CMC2: variants seen among roughly 807,000 people sequenced by gnomAD.
CMC2 encodes C-X9-C motif containing 2.
CMC2 carries 5 observed loss-of-function variants against 7.5 expected under a neutral mutation model. The ratio of observed to expected loss-of-function variants is 0.66; its 90% CI spans 0.35 to 1.40. CMC2 has a LOEUF of 1.40. Among genes scored for constraint, CMC2 ranks in the 40% most tolerant of loss-of-function variants. The pLI, the probability that CMC2 is intolerant of heterozygous loss-of-function variation, is 0.04. For missense variants in CMC2, 115 were observed against 92.3 expected, an observed-to-expected ratio of 1.25 and a Z score of -1.01; for synonymous variants, 37 against 31.4, an observed-to-expected ratio of 1.18 and a Z score of -0.60.
At chr16:81,003,470 T>C (rs1485278321) in intron 1 of CMC2, among the ~76,000 whole-genome samples, 1 of 152,192 alleles carries the variant, frequency 6.6e-6, no homozygotes, top group African/African-American at 2.4e-5. Flanking sequence ...AGAAACTGTC[T>C]TTTTATAGGT....
rs140972336 is a variant in CMC2, at chr16:80,976,168, G to T, written c.165C>A (p.Asn55Lys). 2.5e-6 allele frequency: 4 copies of T among 1,591,240 alleles called. No individual in the cohort carries two copies. The highest frequency in any genetic ancestry group is 1.7e-6 in the Non-Finnish European group (2 of 1,163,080). Reference protein sequence around the residue: ...RKCLKNEYVENRTKSREHGIA... With the variant: ...RKCLKNEYVEKRTKSREHGIA... ...TGCCATGCTCCCTGCTCTTGGTCCT[G>T]TTTTCTACGTACTGAAAAATAAAAG... The change falls in exon 4 of 4, where the codon AAC (asparagine) becomes AAA (lysine). Residue 55 changes from asparagine (N) to lysine (K), a missense_variant. Coordinates refer to ENST00000219400, the MANE Select transcript of CMC2 (RefSeq NM_020188.5).
At chr16:80,981,766 C>G in intron 3 of CMC2, 40 bp downstream of exon 3, 1 of 1,307,724 alleles carries the variant, frequency 7.6e-7, no homozygotes, top group East Asian at 2.3e-5. Flanking sequence ...ATGTTCTGTT[C>G]TATTGTTCAA....
chr16:80,996,814 T>C (rs570048802), intron 2 of CMC2: 6 of 175,862 alleles, frequency 3.4e-5, no homozygotes, highest in Admixed American at 1.2e-4. Context: ...CTTTTCTATT[T>C]TGGTTTTAAC....
At chr16:80,987,986 G>T (rs576142507) in intron 2 of CMC2, among the ~76,000 whole-genome samples, 4 of 151,782 alleles carry the variant, frequency 2.6e-5, no homozygotes, top group Admixed American at 2.0e-4. Context: ...GATGAGCCTG[G>T]GCAACACAGG....
intron 3 of CMC2, 46 bp from the exon 4 acceptor site, chr16:80,976,225 T>A (rs780422536): frequency 1.1e-5 from 11 of 997,934 alleles, no homozygotes; most frequent in Non-Finnish European, 1.5e-5. Flanking sequence ...GCAGATTATG[T>A]CACTATTTAT....
chr16:80,981,983 G>T, intron 2 of CMC2, 106 bp from the exon 3 acceptor site: 1 of 627,872 alleles, frequency 1.6e-6, no homozygotes, highest in Non-Finnish European at 2.8e-6. Flanking sequence ...GTGTCACTTT[G>T]TTAATAAACA....
rs1380651476 is a variant in CMC2 at position 80,971,244 on chromosome 16, A to C, written c.*4849T>G. On this transcript the variant is annotated 3_prime_UTR_variant, in exon 4 of 4. Transcript: ENST00000219400. ...CATACCTTACAGCCCAATAATTAAA[A>C]TCCTAGGTTTATACCTAAAAACACT... is the stretch of plus-strand genomic sequence containing the variant. 1 of 152,158 alleles carries C rather than the reference A, an allele frequency of 6.6e-6. No individual in the cohort carries two copies. The highest frequency in any genetic ancestry group is 1.5e-5 in the Non-Finnish European group (1 of 68,030). 9.4% of individuals were successfully genotyped at this position (152,158 alleles called of 1,614,324 possible). A position where few individuals can be genotyped will look rare whatever the true frequency, so the allele number is the denominator to read the frequency against.
rs1038766369 is a variant in CMC2, at chr16:80,972,649, A to G, written c.*3444T>C. On this transcript the variant is annotated 3_prime_UTR_variant, in exon 4 of 4. Transcript: ENST00000219400. ...AAGGTTCACAACATTCTGCAAAACT[A>G]GATTTCTCAGGAAAACCTTGGCCTA... The G allele has an allele frequency of 6.6e-6, 1 of 152,224 alleles. No homozygotes were observed. The highest frequency in any genetic ancestry group is 1.5e-5 in the Non-Finnish European group (1 of 68,048). The allele number at this position is 152,224 out of a possible 1,614,324, so 9.4% of individuals were successfully genotyped here. A position where few individuals can be genotyped will look rare whatever the true frequency, so the allele number is the denominator to read the frequency against.
At position 80,979,226 on chromosome 16, in the gene CMC2, CA is replaced by C. The variant is rs1230493490; in HGVS notation, c.153+2579del. Among the ~76,000 whole-genome samples, 3 of 152,012 alleles carry C rather than the reference CA, an allele frequency of 2.0e-5. No homozygotes were observed. In the East Asian group the frequency reaches 5.8e-4, roughly 29 times the overall value. On this transcript the variant is annotated intron_variant, in intron 3 of 3. Transcript: ENST00000219400. ...GACTCAGAGATTAGTGATGGGCAAG[CA>C]GACAGAAAAACATCTACAAATTAGA...
At chr16:80,983,163 C>T (rs941164457) in intron 2 of CMC2, 1 of 152,238 alleles carries the variant, frequency 6.6e-6, no homozygotes, top group Admixed American at 6.5e-5. Flanking sequence ...ATATAACATA[C>T]AAAACATGTG....
chr16:80,996,574 C>G (rs1463116600), intron 2 of CMC2, among the ~76,000 whole-genome samples: 1 of 152,130 alleles, frequency 6.6e-6, no homozygotes, highest in African/African-American at 2.4e-5. Context: ...CTACTTACCA[C>G]CTTACTTTTG....
intron 2 of CMC2, chr16:80,988,459 GAAGAA>G (rs2151631256): frequency 1.5e-6 from 1 of 659,086 alleles, no homozygotes; most frequent in Non-Finnish European, 2.7e-6. Flanking sequence ...TTTCAAACTT[GAAGAA>G]AAGTTCCAAG....
rs1454432667 is a variant in CMC2, at chr16:80,976,293, G to T, written c.154-114C>A. On this transcript the variant is annotated intron_variant, in intron 3 of 3. Transcript: ENST00000219400. Reference sequence around the variant, plus strand: ...ATAAATGTCCTTTGAGGTTAACAGGGTTTAAATTTTTTAAACATGTTCTTA... The same window carrying T: ...ATAAATGTCCTTTGAGGTTAACAGGTTTTAAATTTTTTAAACATGTTCTTA... 8 of 597,954 alleles carry T rather than the reference G, an allele frequency of 1.3e-5. No homozygotes were observed. In the East Asian group the frequency reaches 2.1e-4, roughly 16 times the overall value. The allele number at this position is 597,954 out of a possible 1,614,324, so 37.0% of individuals were successfully genotyped here.
At chr16:80,986,324 T>C (rs1314920313) in intron 2 of CMC2, among the ~76,000 whole-genome samples, 2 of 152,144 alleles carry the variant, frequency 1.3e-5, no homozygotes, top group Non-Finnish European at 2.9e-5. Flanking sequence ...CACTCCAGCC[T>C]GGGCGACAGA....
chr16:80,997,199 C>CAA, intron 2 of CMC2, 115 bp downstream of exon 2: 1 of 699,040 alleles, frequency 1.4e-6, no homozygotes, highest in Non-Finnish European at 2.6e-6. Flanking sequence ...TGACTAAACT[C>CAA]AGACTCCTTA....
chr16:80,972,659 G>C lies in CMC2; in HGVS notation c.*3434C>G, dbSNP rs549274364. ...ACATTCTGCAAAACTAGATTTCTCA[G>C]GAAAACCTTGGCCTAAGTTCTTCAG... On this transcript the variant is annotated 3_prime_UTR_variant, in exon 4 of 4. Coordinates refer to ENST00000219400, the MANE Select transcript of CMC2 (RefSeq NM_020188.5). 2 of 152,152 alleles carry C rather than the reference G, an allele frequency of 1.3e-5. No individual in the cohort carries two copies. Among genetic ancestry groups the C allele is most frequent in the Non-Finnish European group, 2.9e-5 (2 of 68,030 alleles). The allele number at this position is 152,152 out of a possible 1,614,324, so 9.4% of individuals were successfully genotyped here.
chr16:80,979,158 T>A (rs1391219457), intron 3 of CMC2, among the ~76,000 whole-genome samples: 1 of 152,066 alleles, frequency 6.6e-6, no homozygotes, highest in Non-Finnish European at 1.5e-5. Flanking sequence ...CAGGAAAGCA[T>A]CTGAAGCAAG....
rs561096967 is a variant in CMC2 at position 80,987,982 on chromosome 16, C to T, written c.82-6105G>A. Among the ~76,000 whole-genome samples the T allele has an allele frequency of 6.6e-5, 10 of 151,738 alleles. No homozygotes were observed. The South Asian group carries it at 2.1e-3, about 32-fold the overall frequency. On this transcript the variant is annotated intron_variant, in intron 2 of 3. Transcript: ENST00000219400. ...CTTGAAGCCAGGAGTTTGAGATGAG[C>T]CTGGGCAACACAGGAGAGCCTGTCT...
At chr16:81,002,757 G>A (rs1028360335) in intron 1 of CMC2, among the ~76,000 whole-genome samples, 5 of 152,220 alleles carry the variant, frequency 3.3e-5, no homozygotes, top group Middle Eastern at 3.4e-3. Flanking sequence ...CCAATAAAAC[G>A]TCTTCCCTTC....
Sources: allele counts gnomAD v4.1 joint callset (sites outside exome capture counted in the v4.1 genomes callset), GRCh38; gene constraint gnomAD v4.1.1; transcripts MANE v1.5; gene names NCBI Gene and HGNC (gene_info 2026-07-23, HGNC 2026-07-21).